PDE4B: variants seen among roughly 807,000 people sequenced by gnomAD.
The protein encoded by PDE4B is 3',5'-cyclic-AMP phosphodiesterase 4B.
A neutral mutation model predicts 82.2 loss-of-function variants in PDE4B; 20 were observed. That is an observed-to-expected ratio of 0.24 (90% CI 0.17 to 0.35). The LOEUF is 0.35. Ranked by LOEUF, PDE4B falls within the 10% of genes least tolerant of loss-of-function variation. PDE4B has a pLI of 1.00. For synonymous variants in PDE4B, 320 were observed against 318.9 expected, an observed-to-expected ratio of 1.00 and a Z score of -0.04; for missense variants, 655 against 907.2, an observed-to-expected ratio of 0.72 and a Z score of 3.57.
chr1:66,120,903 C>T (rs530906394), intron 3 of PDE4B, among the ~76,000 whole-genome samples: 1 of 152,174 alleles, frequency 6.6e-6, no homozygotes, highest in African/African-American at 2.4e-5. Flanking sequence ...GAATTTAAGT[C>T]ATTTTATATG....
At chr1:66,128,840 C>T (rs184924759) in intron 3 of PDE4B, among the ~76,000 whole-genome samples, 1 of 152,266 alleles carries the variant, frequency 6.6e-6, no homozygotes, top group Admixed American at 6.5e-5. Context: ...GGGAAAACCC[C>T]TTATAAAACC....
intron 7 of PDE4B, among the ~76,000 whole-genome samples, chr1:66,302,937 A>G (rs2101843005): frequency 1.3e-5 from 2 of 152,254 alleles, no homozygotes; most frequent in South Asian, 4.1e-4. Context: ...TCACTTGGAA[A>G]CCACTTCCTC....
In PDE4B at chr1:65,950,021, C is replaced by T. The variant is rs140367404; in HGVS notation, c.281+31186C>T. ...ATTTTGTTTTCTCTTGTTCTTCAAC[C>T]GTGGCTGCCATCCAGGTGCAGAAGT... On this transcript the variant is annotated intron_variant, in intron 3 of 16. Coordinates refer to ENST00000341517, the MANE Select transcript of PDE4B (RefSeq NM_002600.4). Among the ~76,000 whole-genome samples the T allele has an allele frequency of 1.3e-3, 192 of 152,144 alleles. 2 individuals are homozygous for T. The highest frequency in any genetic ancestry group is 1.8e-3 in the Non-Finnish European group (121 of 67,964).
chr1:66,295,513 C>T (rs1423217678), intron 7 of PDE4B, among the ~76,000 whole-genome samples: 1 of 152,164 alleles, frequency 6.6e-6, no homozygotes, highest in Non-Finnish European at 1.5e-5. Context: ...ACTTCAACAT[C>T]CACTGCCCAG....
At chr1:66,197,063 T>A (rs1208386312) in intron 3 of PDE4B, among the ~76,000 whole-genome samples, 1 of 152,050 alleles carries the variant, frequency 6.6e-6, no homozygotes, top group Non-Finnish European at 1.5e-5. Context: ...AATAATTTAT[T>A]TTGCTAAATC....
At chr1:66,201,651 C>G (rs559508478) in intron 3 of PDE4B, among the ~76,000 whole-genome samples, 1 of 151,406 alleles carries the variant, frequency 6.6e-6, no homozygotes, top group South Asian at 2.1e-4. Flanking sequence ...TTGTAGTATT[C>G]TCTGATGGTA....
intron 8 of PDE4B, among the ~76,000 whole-genome samples, chr1:66,347,258 A>G (rs2101975787): frequency 6.6e-6 from 1 of 152,348 alleles, no homozygotes; most frequent in South Asian, 2.1e-4. Flanking sequence ...ATGATAGCTA[A>G]TAATGGAAAA....
At chr1:65,793,701 G>T (rs1393448090) in intron 1 of PDE4B, among the ~76,000 whole-genome samples, 1 of 152,222 alleles carries the variant, frequency 6.6e-6, no homozygotes, top group African/African-American at 2.4e-5. Flanking sequence ...TGCCCTGGTG[G>T]CTGGGGCACC....
chr1:66,223,740 A>T (rs971209858), intron 3 of PDE4B, among the ~76,000 whole-genome samples: 2 of 151,494 alleles, frequency 1.3e-5, no homozygotes, highest in East Asian at 3.9e-4. Context: ...AGGGCCCTCC[A>T]CTTAGAGATC....
In PDE4B at chr1:66,346,024, C is replaced by G. The variant is rs192084101; in HGVS notation, c.748-9503C>G. Among the ~76,000 whole-genome samples the G allele has an allele frequency of 5.3e-4, 80 of 152,246 alleles. 1 individual carries two copies. Among genetic ancestry groups the G allele is most frequent in the Admixed American group, 4.5e-3 (68 of 15,276 alleles). On this transcript the variant is annotated intron_variant, in intron 8 of 16. Coordinates refer to ENST00000341517, the MANE Select transcript of PDE4B (RefSeq NM_002600.4). Reference sequence around the variant, plus strand: ...ACTATTCTCTCAAAAAGTCTGCATCCTGTGGACAAGAATCTAAGCCCTTTG... The same window carrying G: ...ACTATTCTCTCAAAAAGTCTGCATCGTGTGGACAAGAATCTAAGCCCTTTG...
rs1036417706 is a variant in PDE4B, at chr1:66,363,249, A to G, written c.1102A>G (p.Met368Val). The change falls in exon 11 of 17, where the codon ATG (methionine) becomes GTG (valine). Residue 368 changes from methionine to valine, a missense_variant. By Grantham distance (21) the Met-to-Val change is conservative. This residue lies in a region of PDE4B where 283 missense variants were observed against 516.4 expected (regional missense o/e 0.55). Coordinates refer to ENST00000341517, the MANE Select transcript of PDE4B (RefSeq NM_002600.4). ...YSHNRPLTCI[M>V]YAIFQERDLL... ...TCACAATAGACCCCTAACATGCATCATGTATGCTATATTCCAGGTGAGTGA... is the reference window on the plus strand; with the variant it reads ...TCACAATAGACCCCTAACATGCATCGTGTATGCTATATTCCAGGTGAGTGA... The G allele has an allele frequency of 6.2e-7, 1 of 1,609,514 alleles. No individual in the cohort carries two copies. Among genetic ancestry groups the G allele is most frequent in the South Asian group, 1.1e-5 (1 of 90,946 alleles).
intron 3 of PDE4B, among the ~76,000 whole-genome samples, chr1:66,038,913 A>AT (rs1042431133): frequency 1.3e-4 from 19 of 151,918 alleles, no homozygotes; most frequent in African/African-American, 2.2e-4. Flanking sequence ...TTTCACTCCT[A>AT]TTTTTTTTAA....
At chr1:65,863,065 C>T (rs1646472907) in intron 1 of PDE4B, among the ~76,000 whole-genome samples, 1 of 150,738 alleles carries the variant, frequency 6.6e-6, no homozygotes, top group Non-Finnish European at 1.5e-5. Context: ...TTTGCTCTTC[C>T]TTCTCTAGTT....
intron 7 of PDE4B, among the ~76,000 whole-genome samples, chr1:66,287,407 G>C (rs78009479): frequency 0.034 from 5,116 of 152,218 alleles, 100 homozygotes; most frequent in Middle Eastern, 0.068. Flanking sequence ...CCAACATTTA[G>C]TAGGCACTCC....
At chr1:65,994,338 T>G (rs1651414845) in intron 3 of PDE4B, among the ~76,000 whole-genome samples, 1 of 152,186 alleles carries the variant, frequency 6.6e-6, no homozygotes, top group South Asian at 2.1e-4. Flanking sequence ...TTGCCTGGCA[T>G]ATATGATGTG....
chr1:66,238,368 T>C (rs1398256194), intron 3 of PDE4B, among the ~76,000 whole-genome samples: 1 of 152,066 alleles, frequency 6.6e-6, no homozygotes, highest in African/African-American at 2.4e-5. Flanking sequence ...AAGGGCTAGA[T>C]TATGTGAAAA....
intron 7 of PDE4B, among the ~76,000 whole-genome samples, chr1:66,289,946 G>A (rs1002799047): frequency 2.6e-5 from 4 of 152,070 alleles, no homozygotes; most frequent in South Asian, 2.1e-4. Flanking sequence ...AGTAGAAATA[G>A]TAAGGGAGAG....
At chr1:65,816,575 TCA>T in intron 1 of PDE4B, among the ~76,000 whole-genome samples, 1 of 152,224 alleles carries the variant, frequency 6.6e-6, no homozygotes, top group South Asian at 2.1e-4. Flanking sequence ...ATGGAAGCAA[TCA>T]CAGATTTCAT....
At chr1:66,054,243 C>T (rs1389386306) in intron 3 of PDE4B, among the ~76,000 whole-genome samples, 5 of 151,984 alleles carry the variant, frequency 3.3e-5, no homozygotes, top group African/African-American at 9.7e-5. Flanking sequence ...AATCATATAC[C>T]AAAGCCTTAT....
Sources: gnomAD v4.1 joint callset for allele counts (sites outside exome capture counted in the v4.1 genomes callset) on GRCh38, gnomAD v4.1.1 for gene constraint, gnomAD v4.1.1 regional missense constraint, MANE v1.5 for transcripts, NCBI Gene and HGNC (gene_info 2026-07-23, HGNC 2026-07-21) for gene names.